GRIA1: variants seen among roughly 807,000 people sequenced by gnomAD.
GRIA1 encodes the protein glutamate ionotropic receptor AMPA type subunit 1.
A neutral mutation model predicts 99.2 loss-of-function variants in GRIA1; 31 were observed. The ratio of observed to expected loss-of-function variants is 0.31; its 90% CI spans 0.23 to 0.42. The LOEUF (loss-of-function observed/expected upper bound fraction) is 0.42, where lower values mean the gene tolerates loss of function less well. Among genes scored for constraint, GRIA1 ranks in the 10% least tolerant of loss-of-function variants. GRIA1 has a pLI of 1.00. For missense variants in GRIA1, 782 were observed against 1,157.5 expected, an observed-to-expected ratio of 0.68 and a Z score of 4.71; for synonymous variants, 438 against 432.4, an observed-to-expected ratio of 1.01 and a Z score of -0.16.
chr5:153,490,622 G>A (rs1260889132), upstream of GRIA1: 3 of 519,154 alleles, frequency 5.8e-6, no homozygotes, highest in East Asian at 7.0e-5. Context: ...GGGAGTGGGG[G>A]AGCCAGCGCT....
chr5:153,514,137 T>C (rs1756377437), intron 2 of GRIA1, among the ~76,000 whole-genome samples: 1 of 152,154 alleles, frequency 6.6e-6, no homozygotes, highest in South Asian at 2.1e-4. Context: ...CATCACACTC[T>C]CAAGGGAGTA....
At chr5:153,678,804 C>G (rs564943624) in intron 7 of GRIA1, among the ~76,000 whole-genome samples, 11 of 152,338 alleles carry the variant, frequency 7.2e-5, no homozygotes, top group Non-Finnish European at 1.2e-4. Context: ...GGACTCTGTA[C>G]TGGGAGGCAG....
At chr5:153,709,865 G>C (rs1448637418) in intron 11 of GRIA1, among the ~76,000 whole-genome samples, 1 of 152,186 alleles carries the variant, frequency 6.6e-6, no homozygotes, top group African/African-American at 2.4e-5. Context: ...CAAGAATTTA[G>C]GTTTTCCAAC....
At position 153,797,077 on chromosome 5, in the gene GRIA1, T is replaced by A. The variant is rs117361339; in HGVS notation, c.2385+2342T>A. On this transcript the variant is annotated intron_variant, in intron 14 of 15. Transcript: ENST00000285900. Reference sequence around the variant, plus strand: ...CACTAAAGAGACCCCAGGAGGGCAATGTCAGAGGGACGTGAGTGGAGAAAG... The same window carrying A: ...CACTAAAGAGACCCCAGGAGGGCAAAGTCAGAGGGACGTGAGTGGAGAAAG... Among the ~76,000 whole-genome samples, 39 of 152,292 alleles carry A rather than the reference T, an allele frequency of 2.6e-4. No individual in the cohort carries two copies. In the East Asian group the frequency reaches 7.0e-3, roughly 27 times the overall value.
At chr5:153,671,342 A>G (rs1756158839) in intron 5 of GRIA1, among the ~76,000 whole-genome samples, 1 of 152,230 alleles carries the variant, frequency 6.6e-6, no homozygotes. Context: ...TTCCATTTCA[A>G]TCTCCCAGTA....
At position 153,541,490 on chromosome 5, in the gene GRIA1, G is replaced by C. The variant is rs1289642639; in HGVS notation, c.220+47425G>C. On this transcript the variant is annotated intron_variant, in intron 2 of 15. Transcript: ENST00000285900. The stretch of plus-strand genomic sequence containing the variant: ...CTCATTTTAGAGGTAAGAAACCAGT[G>C]TTAAATTACTTGAACTACAGCACAA... Among the ~76,000 whole-genome samples the C allele has an allele frequency of 2.6e-5, 4 of 152,296 alleles. No homozygotes were observed. In the Middle Eastern group the frequency reaches 0.01, roughly 389 times the overall value.
intron 13 of GRIA1, among the ~76,000 whole-genome samples, chr5:153,778,188 AGAGAGTGTGTGTGT>A (rs1253511162): frequency 5.8e-5 from 5 of 86,204 alleles, no homozygotes; most frequent in Non-Finnish European, 9.0e-5. Context: ...AGAGAGAGAG[AGAGAGTGTGTGTGT>A]GTGTGTGTGT....
At chr5:153,500,644 C>T (rs1018873114) in intron 2 of GRIA1, among the ~76,000 whole-genome samples, 1 of 149,052 alleles carries the variant, frequency 6.7e-6, no homozygotes, top group Non-Finnish European at 1.5e-5. Flanking sequence ...CACACACACA[C>T]ACACACACAC....
intron 15 of GRIA1, among the ~76,000 whole-genome samples, chr5:153,809,362 G>A (rs1294045503): frequency 6.6e-6 from 1 of 152,174 alleles, no homozygotes; most frequent in Non-Finnish European, 1.5e-5. Flanking sequence ...AATAAATCAA[G>A]TCATGGGTTT....
intron 2 of GRIA1, among the ~76,000 whole-genome samples, chr5:153,513,456 G>A (rs1427514319): frequency 2.0e-5 from 3 of 152,136 alleles, no homozygotes; most frequent in African/African-American, 4.8e-5. Flanking sequence ...AGATGCACGG[G>A]GTATTTGGTG....
intron 11 of GRIA1, among the ~76,000 whole-genome samples, chr5:153,753,712 A>AAAAAT (rs1762640846): frequency 6.6e-6 from 1 of 151,682 alleles, no homozygotes; most frequent in African/African-American, 2.4e-5. Context: ...AAAAAAAAAA[A>AAAAAT]ATCCTCAAAT....
intron 11 of GRIA1, among the ~76,000 whole-genome samples, chr5:153,751,226 C>A (rs1762491837): frequency 6.6e-6 from 1 of 152,234 alleles, no homozygotes; most frequent in Admixed American, 6.5e-5. Flanking sequence ...TCTTGACAAA[C>A]AATGACAGTG....
intron 2 of GRIA1, among the ~76,000 whole-genome samples, chr5:153,574,730 A>G (rs1187927302): frequency 6.6e-6 from 1 of 152,110 alleles, no homozygotes; most frequent in African/African-American, 2.4e-5. Context: ...AGCAAAGGAG[A>G]AGTAATATAG....
At chr5:153,515,909 G>A (rs1280452519) in intron 2 of GRIA1, among the ~76,000 whole-genome samples, 1 of 152,160 alleles carries the variant, frequency 6.6e-6, no homozygotes, top group African/African-American at 2.4e-5. Context: ...ATGAAGGGTT[G>A]CATAGATGAA....
intron 11 of GRIA1, among the ~76,000 whole-genome samples, chr5:153,737,401 G>T (rs1183848745): frequency 1.3e-5 from 2 of 151,646 alleles, no homozygotes; most frequent in East Asian, 3.9e-4. Context: ...TTAGTAAATG[G>T]CACAACTGGA....
At chr5:153,538,427 G>A (rs1025264971) in intron 2 of GRIA1, among the ~76,000 whole-genome samples, 3 of 152,138 alleles carry the variant, frequency 2.0e-5, no homozygotes, top group Admixed American at 6.5e-5. Context: ...TAGAGAGGCT[G>A]TCAAAGGTGG....
At chr5:153,496,875 TTTTA>T (rs1375809360) in intron 2 of GRIA1, among the ~76,000 whole-genome samples, 1 of 152,130 alleles carries the variant, frequency 6.6e-6, no homozygotes, top group African/African-American at 2.4e-5. Flanking sequence ...AATGACCAAA[TTTTA>T]TTTGTTTTTT....
intron 11 of GRIA1, among the ~76,000 whole-genome samples, chr5:153,739,619 A>G (rs1429654187): frequency 6.6e-6 from 1 of 152,202 alleles, no homozygotes; most frequent in Non-Finnish European, 1.5e-5. Flanking sequence ...CTGGGTCAAG[A>G]GCATACTCAC....
intron 2 of GRIA1, among the ~76,000 whole-genome samples, chr5:153,590,824 G>T (rs1409932497): frequency 6.6e-6 from 1 of 152,114 alleles, no homozygotes; most frequent in South Asian, 2.1e-4. Context: ...GTCTATAAAT[G>T]TTTGTTCTTG....
Sources: gnomAD v4.1 joint callset for allele counts (sites outside exome capture counted in the v4.1 genomes callset) on GRCh38, gnomAD v4.1.1 for gene constraint, MANE v1.5 for transcripts, NCBI Gene and HGNC (gene_info 2026-07-23, HGNC 2026-07-21) for gene names.